Variants in USP34 observed in about 807,000 individuals in gnomAD.
USP34 encodes the protein ubiquitin carboxyl-terminal hydrolase 34.
Under a neutral mutation model 460.3 loss-of-function variants are expected in USP34, and 70 were observed. The observed-to-expected ratio is 0.15, with a 90% CI of 0.13 to 0.19. The LOEUF (loss-of-function observed/expected upper bound fraction) is 0.19, where lower values mean the gene tolerates loss of function less well. Ranked by LOEUF, USP34 falls within the 10% of genes least tolerant of loss-of-function variation. The pLI, the probability that USP34 is intolerant of heterozygous loss-of-function variation, is 1.00. For missense variants in USP34, 3,985 were observed against 4,236.2 expected (o/e 0.94, Z 1.65); for synonymous variants, 1,647 against 1,405.3 (o/e 1.17, Z -3.85).
intron 1 of USP34, among the ~76,000 whole-genome samples, chr2:61,427,716 TGCA>T (rs1480604470): frequency 6.6e-6 from 1 of 152,228 alleles, no homozygotes; most frequent in Non-Finnish European, 1.5e-5. Context: ...ATTAGTCTTT[TGCA>T]GCAGAATTGA....
rs150902642 is a variant in USP34, at chr2:61,360,488, A to T, written c.1252-9795T>A. On this transcript the variant is annotated intron_variant, in intron 10 of 79. Transcript: ENST00000398571. ...ACAATATGTAGAAATAAACTTAGCC[A>T]AAGAAGTAAAAGACTTGTACACTGA... 6.6e-5 allele frequency among the ~76,000 whole-genome samples: 10 copies of T among 152,368 alleles called. No homozygotes were observed. In the East Asian group the frequency reaches 1.7e-3, roughly 26 times the overall value.
intron 8 of USP34, among the ~76,000 whole-genome samples, chr2:61,372,233 A>G (rs1163860543): frequency 6.6e-6 from 1 of 152,132 alleles, no homozygotes; most frequent in Non-Finnish European, 1.5e-5. Context: ...ATTTATTAAA[A>G]AAAAACCACT....
Position 61,327,983 on chromosome 2 carries a change from G to T in USP34, c.2931-2526C>A, listed in dbSNP as rs532519633. Among the ~76,000 whole-genome samples the T allele has an allele frequency of 4.5e-4, 69 of 152,264 alleles. No individual in the cohort carries two copies. The Middle Eastern group carries it at 0.017, about 38-fold the overall frequency. On this transcript the variant is annotated intron_variant, in intron 20 of 79. Transcript: ENST00000398571. ...TATTCTCTAGAGGGCACTGGATTCA[G>T]GAAACACGTAATATGTCCTTTTAAG...
At chr2:61,231,933 G>A (rs1687917982) in intron 58 of USP34, among the ~76,000 whole-genome samples, 1 of 150,816 alleles carries the variant, frequency 6.6e-6, no homozygotes, top group African/African-American at 2.4e-5. Context: ...TAACTGGAAA[G>A]TGGCATACGT....
chr2:61,332,286 A>G (rs1426906165), intron 19 of USP34, among the ~76,000 whole-genome samples: 1 of 152,076 alleles, frequency 6.6e-6, no homozygotes, highest in Non-Finnish European at 1.5e-5. Context: ...TATACATACT[A>G]GACTCACAAT....
intron 41 of USP34, among the ~76,000 whole-genome samples, chr2:61,270,555 C>T (rs564166528): frequency 2.0e-5 from 3 of 152,190 alleles, no homozygotes; most frequent in Admixed American, 2.0e-4. Flanking sequence ...CGTGCCTCAG[C>T]CTCCCGAGTA....
chr2:61,328,862 C>T (rs116343590), intron 20 of USP34, among the ~76,000 whole-genome samples: 1 of 152,326 alleles, frequency 6.6e-6, no homozygotes, highest in Non-Finnish European at 1.5e-5. Context: ...CTATGCCTCT[C>T]AAGTCCTGCT....
chr2:61,405,669 T>G (rs768901011), intron 3 of USP34, 39 bp downstream of exon 3: 45 of 1,480,250 alleles, frequency 3.0e-5, no homozygotes, highest in Non-Finnish European at 3.8e-5. Context: ...AAGTTAAGAC[T>G]TGGTATTACT....
At chr2:61,281,345 G>T in intron 37 of USP34, 103 bp from the exon 38 acceptor site, 2 of 1,389,250 alleles carry the variant, frequency 1.4e-6, no homozygotes. Flanking sequence ...TGTTCTGCCG[G>T]GCAAGCCTGT....
chr2:61,428,916 G>A (rs1694585985), intron 1 of USP34, among the ~76,000 whole-genome samples: 1 of 152,194 alleles, frequency 6.6e-6, no homozygotes, highest in South Asian at 2.1e-4. Flanking sequence ...CACAGAATTA[G>A]TCCACACAGG....
At chr2:61,313,655 T>C (rs1413485328) in intron 25 of USP34, among the ~76,000 whole-genome samples, 1 of 152,140 alleles carries the variant, frequency 6.6e-6, no homozygotes, top group East Asian at 1.9e-4. Flanking sequence ...AGTAAGAAGT[T>C]TCTGTGTAAA....
intron 69 of USP34, among the ~76,000 whole-genome samples, chr2:61,209,645 A>G (rs2103782209): frequency 6.6e-6 from 1 of 152,364 alleles, no homozygotes; most frequent in Non-Finnish European, 1.5e-5. Context: ...AATACTTGAT[A>G]ATGTTAATAA....
intron 43 of USP34, among the ~76,000 whole-genome samples, chr2:61,260,917 C>T (rs969084021): frequency 5.3e-5 from 8 of 152,040 alleles, no homozygotes; most frequent in African/African-American, 1.2e-4. Flanking sequence ...TTACTTAATG[C>T]GCAATTTTTA....
chr2:61,316,230 A>T (rs1690741944), intron 23 of USP34, among the ~76,000 whole-genome samples: 1 of 151,618 alleles, frequency 6.6e-6, no homozygotes, highest in African/African-American at 2.4e-5. Flanking sequence ...AACTGAAAAA[A>T]CCTATTCAGA....
chr2:61,437,798 TAAATAAATAAATAAATAAAA>T (rs1694858086), intron 1 of USP34, among the ~76,000 whole-genome samples: 1 of 149,068 alleles, frequency 6.7e-6, no homozygotes, highest in Non-Finnish European at 1.5e-5. Flanking sequence ...AATAAATAAA[TAAATAAATAAATAAATAAAA>T]AACCTGAACA....
At chr2:61,285,430 T>G (rs1464371474) in intron 34 of USP34, among the ~76,000 whole-genome samples, 5 of 144,030 alleles carry the variant, frequency 3.5e-5, no homozygotes, top group African/African-American at 1.3e-4. Flanking sequence ...GTGGCTGCAG[T>G]GAGCTGAGAT....
intron 1 of USP34, among the ~76,000 whole-genome samples, chr2:61,443,822 T>C (rs186837424): frequency 7.9e-5 from 12 of 152,314 alleles, no homozygotes; most frequent in African/African-American, 2.9e-4. Flanking sequence ...CATAATGATA[T>C]GTTAACGTAG....
At chr2:61,428,089 C>T (rs1048847780) in intron 1 of USP34, among the ~76,000 whole-genome samples, 16 of 149,792 alleles carry the variant, frequency 1.1e-4, no homozygotes, top group African/African-American at 3.9e-4. Context: ...CGCTTGAACC[C>T]GGGAGGCAGG....
At chr2:61,343,021 A>T (rs1461660210) in intron 16 of USP34, among the ~76,000 whole-genome samples, 1 of 152,202 alleles carries the variant, frequency 6.6e-6, no homozygotes, top group African/African-American at 2.4e-5. Context: ...AAAAACACAT[A>T]CAAATCAGTA....
Sources: allele counts gnomAD v4.1 joint callset (sites outside exome capture counted in the v4.1 genomes callset), GRCh38; gene constraint gnomAD v4.1.1; transcripts MANE v1.5; gene names NCBI Gene and HGNC (gene_info 2026-07-23, HGNC 2026-07-21).